The following DRC8 variants were observed in gnomAD, a reference collection of about 807,000 sequenced individuals.
DRC8 encodes the protein dynein regulatory complex protein 8.
chr1:244,988,761 C>G, the DRC8 span, among the ~76,000 whole-genome samples: 4 of 152,174 alleles, frequency 2.6e-5, no homozygotes. Flanking sequence ...TACTAGGCAA[C>G]TTCCCTACGT....
the DRC8 span, among the ~76,000 whole-genome samples, chr1:245,011,597 G>C: frequency 1.3e-5 from 2 of 152,160 alleles, no homozygotes; most frequent in African/African-American, 4.8e-5. Context: ...GGAGCATTTT[G>C]GATTTAGCAT....
the DRC8 span, among the ~76,000 whole-genome samples, chr1:245,043,059 T>C: frequency 6.6e-6 from 1 of 152,170 alleles, no homozygotes; most frequent in African/African-American, 2.4e-5. Flanking sequence ...AGAAAAACAT[T>C]TTTAATACTT....
chr1:245,038,347 G>A, the DRC8 span, among the ~76,000 whole-genome samples: 1 of 152,182 alleles, frequency 6.6e-6, no homozygotes, highest in African/African-American at 2.4e-5. Flanking sequence ...GCAGGCGCCT[G>A]TAGTCCCAGC....
chr1:244,985,483 G>A, the DRC8 span, among the ~76,000 whole-genome samples: 9 of 152,170 alleles, frequency 5.9e-5, no homozygotes, highest in Admixed American at 5.9e-4. Context: ...TACCGTGTTA[G>A]GCCTGGTGCT....
At chr1:244,993,110 A>G in the DRC8 span, among the ~76,000 whole-genome samples, 1 of 152,248 alleles carries the variant, frequency 6.6e-6, no homozygotes, top group Non-Finnish European at 1.5e-5. Context: ...AGAAGCCACA[A>G]TATCTTTTAT....
chr1:245,101,778 TAAA>T, the DRC8 span, among the ~76,000 whole-genome samples: 40 of 152,336 alleles, frequency 2.6e-4, no homozygotes, highest in African/African-American at 8.7e-4. Context: ...AGTATTATAA[TAAA>T]GTCATGAATA....
chr1:245,093,653 G>A, the DRC8 span, among the ~76,000 whole-genome samples: 1 of 148,732 alleles, frequency 6.7e-6, no homozygotes. Flanking sequence ...CCGAGATGGT[G>A]CCACTGCACT....
At chr1:245,051,721 A>G in the DRC8 span, among the ~76,000 whole-genome samples, 2 of 152,236 alleles carry the variant, frequency 1.3e-5, no homozygotes, top group Non-Finnish European at 2.9e-5. Context: ...TTTCAAGATA[A>G]GGAAGATACC....
chr1:245,114,158 C>CT, the DRC8 span, among the ~76,000 whole-genome samples: 3 of 151,944 alleles, frequency 2.0e-5, no homozygotes, highest in Admixed American at 6.6e-5. Context: ...GGTTGGGATT[C>CT]TTTTTTTTAA....
the DRC8 span, chr1:244,970,223 G>T: frequency 2.6e-6 from 2 of 765,704 alleles, no homozygotes; most frequent in Non-Finnish European, 2.3e-6. Context: ...CCAGCGCGAG[G>T]GTCGTGGCGC....
the DRC8 span, among the ~76,000 whole-genome samples, chr1:245,079,132 G>A: frequency 6.6e-6 from 1 of 152,062 alleles, no homozygotes; most frequent in Non-Finnish European, 1.5e-5. Context: ...CATGAATTCT[G>A]TACTTAGAAT....
chr1:245,098,702 C>T, the DRC8 span, among the ~76,000 whole-genome samples: 219 of 152,282 alleles, frequency 1.4e-3, 1 homozygote, highest in Middle Eastern at 0.01. Flanking sequence ...CATCACAGTC[C>T]GAGTGAACTG....
the DRC8 span, among the ~76,000 whole-genome samples, chr1:245,027,102 G>A: frequency 1.3e-5 from 2 of 152,164 alleles, no homozygotes; most frequent in East Asian, 3.8e-4. Flanking sequence ...TTAAAAGAGT[G>A]ATTTATATCT....
chr1:245,079,849 G>T, the DRC8 span, among the ~76,000 whole-genome samples: 1 of 152,182 alleles, frequency 6.6e-6, no homozygotes, highest in African/African-American at 2.4e-5. Context: ...TATTTGCCCG[G>T]GGCTCCTGAG....
At chr1:245,105,639 CA>C in the DRC8 span, among the ~76,000 whole-genome samples, 46 of 130,772 alleles carry the variant, frequency 3.5e-4, no homozygotes, top group African/African-American at 1.2e-3. Context: ...AAAAAAAAAA[CA>C]AAAAACAAAA....
At chr1:245,022,851 C>T in the DRC8 span, among the ~76,000 whole-genome samples, 1 of 152,184 alleles carries the variant, frequency 6.6e-6, no homozygotes, top group South Asian at 2.1e-4. Flanking sequence ...CCATTTTAGG[C>T]TTTTTCATCT....
chr1:244,975,212 G>C, the DRC8 span, among the ~76,000 whole-genome samples: 2 of 152,072 alleles, frequency 1.3e-5, no homozygotes, highest in African/African-American at 4.8e-5. Context: ...TTACAGGCGT[G>C]AGCCACCACG....
chr1:245,056,272 A>T, the DRC8 span, among the ~76,000 whole-genome samples: 1 of 152,134 alleles, frequency 6.6e-6, no homozygotes, highest in African/African-American at 2.4e-5. Flanking sequence ...AGATTGTGAC[A>T]CAAATTTCCA....
At chr1:245,020,606 T>C in the DRC8 span, among the ~76,000 whole-genome samples, 2 of 142,592 alleles carry the variant, frequency 1.4e-5, no homozygotes, top group Non-Finnish European at 3.0e-5. Flanking sequence ...TACTGGAGTT[T>C]TTCTTTCTTT....
Sources: allele counts gnomAD v4.1 joint callset (sites outside exome capture counted in the v4.1 genomes callset), GRCh38; gene constraint gnomAD v4.1.1; transcripts MANE v1.5; gene names NCBI Gene and HGNC (gene_info 2026-07-23, HGNC 2026-07-21).